The following CNTLN variants were observed in gnomAD, a reference collection of about 807,000 sequenced individuals.
The protein encoded by CNTLN is centlein, centrosomal protein.
A neutral mutation model predicts 180.0 loss-of-function variants in CNTLN; 212 were observed. That is an observed-to-expected ratio of 1.18 (90% CI 1.05 to 1.32). CNTLN has a LOEUF of 1.32. Ranked by LOEUF, CNTLN falls within the 40% of genes most tolerant of loss-of-function variation. The probability of loss-of-function intolerance (pLI) is 0.00; values close to 1 mark genes in which losing one functional copy is unlikely to be tolerated. For synonymous variants in CNTLN, 722 were observed against 563.1 expected (o/e 1.28, Z -3.99); for missense variants, 2,095 against 1,610.9 (o/e 1.30, Z -5.14).
chr9:17,223,465 ACTT>A (rs1038872852), intron 2 of CNTLN, among the ~76,000 whole-genome samples: 6 of 151,860 alleles, frequency 4.0e-5, no homozygotes, highest in South Asian at 2.1e-4. Context: ...CGTCCACCAA[ACTT>A]CTTCTCTGTG....
In CNTLN at chr9:17,415,809, G is replaced by A. The variant is rs1480970078; in HGVS notation, c.2818G>A (p.Ala940Thr). The change falls in exon 17 of 26, where the codon GCC becomes ACC. Residue 940 changes from alanine to threonine, a missense_variant. Ala to Thr is a moderately conservative substitution (Grantham distance 58, BLOSUM62 0). Transcript: ENST00000380647. ...TTAGGACTATTTTCATGATAAGAAT[G>A]CCAAAAAACCAACTTTTCAAAAGAA... ...TPKDYFHDKN[A>T]KKPTFQKKNC... The A allele has an allele frequency of 6.2e-7, 1 of 1,609,600 alleles. No individual in the cohort carries two copies. Among genetic ancestry groups the A allele is most frequent in the Admixed American group, 1.7e-5 (1 of 59,774 alleles).
At chr9:17,504,674 T>C (rs191047055), downstream of CNTLN, among the ~76,000 whole-genome samples, 165 of 152,202 alleles carry the variant, frequency 1.1e-3, no homozygotes, top group Non-Finnish European at 1.6e-3. Context: ...GAGAGAATAA[T>C]GTTACCAGAG....
intron 8 of CNTLN, among the ~76,000 whole-genome samples, chr9:17,310,387 G>C (rs10963022): frequency 0.21 from 32,438 of 152,022 alleles, 3,862 homozygotes; most frequent in South Asian, 0.35. Flanking sequence ...AGATTTATCC[G>C]TGTTTTTTGA....
At chr9:17,490,349 T>G (rs1168412194) in intron 25 of CNTLN, among the ~76,000 whole-genome samples, 1 of 151,870 alleles carries the variant, frequency 6.6e-6, no homozygotes, top group African/African-American at 2.4e-5. Context: ...TGAGATTAGA[T>G]GAAAGGGGTC....
intron 23 of CNTLN, among the ~76,000 whole-genome samples, chr9:17,467,204 T>C (rs1368745754): frequency 6.6e-6 from 1 of 151,510 alleles, no homozygotes; most frequent in Non-Finnish European, 1.5e-5. Flanking sequence ...TACTCTCCTT[T>C]TGAAAATCGT....
In CNTLN at chr9:17,199,203, C is replaced by CTTT. The variant is rs763632027; in HGVS notation, c.450-26976_450-26974dup. Reference sequence around the variant, plus strand: ...CTCGCCAGCATCTGTTGTTTCTTGACTTTTTTTTTTTTTTTTTTTTTTTTT... The same window carrying CTTT: ...CTCGCCAGCATCTGTTGTTTCTTGACTTTTTTTTTTTTTTTTTTTTTTTTTTTT... On this transcript the variant is annotated intron_variant, in intron 2 of 25. Coordinates refer to ENST00000380647, the MANE Select transcript of CNTLN (RefSeq NM_017738.4). 1.5e-3 allele frequency among the ~76,000 whole-genome samples: 112 copies of CTTT among 73,792 alleles called. 14 individuals carry two copies. The highest frequency in any genetic ancestry group is 6.8e-3 in the Admixed American group (44 of 6,444). 48.4% of individuals were successfully genotyped at this position (73,792 alleles called of 152,430 possible). A position where few individuals can be genotyped will look rare whatever the true frequency, so the allele number is the denominator to read the frequency against.
chr9:17,416,789 A>C (rs757754656), intron 18 of CNTLN, among the ~76,000 whole-genome samples: 3 of 152,180 alleles, frequency 2.0e-5, no homozygotes, highest in Non-Finnish European at 4.4e-5. Flanking sequence ...CAAATGAAAA[A>C]GAAAAGATTT....
At chr9:17,297,461 T>A (rs1000662856) in intron 6 of CNTLN, among the ~76,000 whole-genome samples, 1 of 152,234 alleles carries the variant, frequency 6.6e-6, no homozygotes, top group South Asian at 2.1e-4. Context: ...GTTTGTATAA[T>A]CTGTATCACA....
At chr9:17,446,182 C>T (rs1268083128) in intron 18 of CNTLN, among the ~76,000 whole-genome samples, 1 of 152,092 alleles carries the variant, frequency 6.6e-6, no homozygotes, top group Non-Finnish European at 1.5e-5. Flanking sequence ...CAGAGGCTGG[C>T]GGGATCCTCC....
intron 7 of CNTLN, among the ~76,000 whole-genome samples, chr9:17,307,264 G>A (rs1290776200): frequency 2.1e-5 from 3 of 146,156 alleles, no homozygotes; most frequent in Admixed American, 1.3e-4. Flanking sequence ...CAATAATATC[G>A]ATAGATAATT....
chr9:17,317,852 A>T (rs1819631850), intron 8 of CNTLN, among the ~76,000 whole-genome samples: 3 of 152,016 alleles, frequency 2.0e-5, no homozygotes, highest in African/African-American at 7.3e-5. Context: ...GATCTCAGAG[A>T]GGTAAATGTG....
At chr9:17,351,930 T>C (rs910907161) in intron 12 of CNTLN, among the ~76,000 whole-genome samples, 3 of 152,158 alleles carry the variant, frequency 2.0e-5, no homozygotes, top group Non-Finnish European at 1.5e-5. Flanking sequence ...GTTTCATATC[T>C]AAAAATAAGT....
chr9:17,234,435 G>A (rs997114492), intron 3 of CNTLN, among the ~76,000 whole-genome samples: 2 of 129,666 alleles, frequency 1.5e-5, no homozygotes, highest in African/African-American at 7.5e-5. Context: ...ATGACAGAGC[G>A]AGACCTGTCT....
In CNTLN at chr9:17,168,315, A is replaced by G. The variant is rs1250080310; in HGVS notation, c.449+24939A>G. 6 of 152,184 alleles carry G rather than the reference A, an allele frequency of 3.9e-5. No individual in the cohort carries two copies. The East Asian group carries it at 7.7e-4, about 20-fold the overall frequency. 9.4% of individuals were successfully genotyped at this position (152,184 alleles called of 1,614,324 possible). ...TGTTGGGAGGAAATGGGTAAGAAGG[A>G]AAAAGATTATGTTCCTGTCTTTCTT... On this transcript the variant is annotated intron_variant, in intron 2 of 25. Coordinates refer to ENST00000380647, the MANE Select transcript of CNTLN (RefSeq NM_017738.4).
intron 3 of CNTLN, among the ~76,000 whole-genome samples, chr9:17,234,987 T>C: frequency 6.6e-6 from 1 of 152,112 alleles, no homozygotes; most frequent in Non-Finnish European, 1.5e-5. Flanking sequence ...ATAGATTAGA[T>C]AGTCTTTCAG....
chr9:17,205,498 G>T (rs1417864469), intron 2 of CNTLN, among the ~76,000 whole-genome samples: 1 of 152,164 alleles, frequency 6.6e-6, no homozygotes, highest in Non-Finnish European at 1.5e-5. Flanking sequence ...AGACCATGAT[G>T]TCTTTATGAG....
the CNTLN span, among the ~76,000 whole-genome samples, chr9:17,509,931 A>G: frequency 7.2e-5 from 11 of 152,278 alleles, no homozygotes; most frequent in East Asian, 1.9e-3. Flanking sequence ...CATGCTTCCA[A>G]AGCAACAGAC....
At chr9:17,384,060 A>G (rs550572740) in intron 13 of CNTLN, among the ~76,000 whole-genome samples, 1 of 152,310 alleles carries the variant, frequency 6.6e-6, no homozygotes, top group East Asian at 1.9e-4. Context: ...TAGAAAATAA[A>G]CAGTCTAAAA....
chr9:17,303,566 C>T (rs1421385478), intron 7 of CNTLN, among the ~76,000 whole-genome samples: 1 of 151,744 alleles, frequency 6.6e-6, no homozygotes, highest in Middle Eastern at 3.4e-3. Context: ...TTTTTCTCCT[C>T]AAAAATGTAG....
Sources: allele counts gnomAD v4.1 joint callset (sites outside exome capture counted in the v4.1 genomes callset), GRCh38; gene constraint gnomAD v4.1.1; transcripts MANE v1.5; gene names NCBI Gene and HGNC (gene_info 2026-07-23, HGNC 2026-07-21).